PLCB4: variants seen among roughly 807,000 people sequenced by gnomAD.
PLCB4 encodes phospholipase C beta 4, also known as 1-phosphatidylinositol 4,5-bisphosphate phosphodiesterase beta-4.
PLCB4 carries 77 observed loss-of-function variants against 178.8 expected under a neutral mutation model. That is an observed-to-expected ratio of 0.43 (90% CI 0.36 to 0.52). The LOEUF is 0.52. PLCB4 is among the 20% of genes least tolerant of loss of function. The probability of loss-of-function intolerance (pLI) is 0.00; values close to 1 mark genes in which losing one functional copy is unlikely to be tolerated. For synonymous variants in PLCB4, 496 were observed against 490.8 expected (o/e 1.01, Z -0.14); for missense variants, 1,024 against 1,453.4 (o/e 0.70, Z 4.80).
At chr20:9,183,382 G>A (rs1194988360) in intron 2 of PLCB4, among the ~76,000 whole-genome samples, 1 of 152,152 alleles carries the variant, frequency 6.6e-6, no homozygotes, top group African/African-American at 2.4e-5. Flanking sequence ...AGAACAAGAT[G>A]GAGATGCAAC....
intron 2 of PLCB4, among the ~76,000 whole-genome samples, chr20:9,207,357 G>A (rs889711741): frequency 6.6e-6 from 1 of 152,170 alleles, no homozygotes; most frequent in Non-Finnish European, 1.5e-5. Context: ...TCCTTGGTTA[G>A]CATCTTACAA....
intron 20 of PLCB4, among the ~76,000 whole-genome samples, chr20:9,402,499 C>T (rs750092061): frequency 6.6e-5 from 10 of 152,106 alleles, no homozygotes; most frequent in Non-Finnish European, 1.3e-4. Context: ...TGTGACACTA[C>T]TGAAAAAGTT....
chr20:9,318,517 G>A (rs986919560), intron 4 of PLCB4, among the ~76,000 whole-genome samples: 1 of 152,204 alleles, frequency 6.6e-6, no homozygotes, highest in African/African-American at 2.4e-5. Flanking sequence ...GACATTGCAT[G>A]TCTTCTAACA....
chr20:9,458,031 G>A (rs905451973), intron 34 of PLCB4, among the ~76,000 whole-genome samples: 7 of 151,480 alleles, frequency 4.6e-5, no homozygotes, highest in African/African-American at 1.7e-4. Flanking sequence ...AGAACTAAGT[G>A]TTAAGTCCCA....
At chr20:9,444,408 T>C (rs2042284485) in intron 32 of PLCB4, among the ~76,000 whole-genome samples, 165 bp downstream of exon 32, 1 of 152,246 alleles carries the variant, frequency 6.6e-6, no homozygotes, top group African/African-American at 2.4e-5. Context: ...GCTTGTCACT[T>C]GTTTGTAGTC....
chr20:9,338,226 T>C (rs1192178782), intron 6 of PLCB4, among the ~76,000 whole-genome samples, 159 bp downstream of exon 6: 1 of 152,178 alleles, frequency 6.6e-6, no homozygotes, highest in Non-Finnish European at 1.5e-5. Flanking sequence ...TGTGGTAATG[T>C]CACATTTATT....
intron 27 of PLCB4, among the ~76,000 whole-genome samples, chr20:9,423,039 C>G (rs1271423617): frequency 6.6e-6 from 1 of 152,200 alleles, no homozygotes; most frequent in East Asian, 1.9e-4. Context: ...TATTTTGTAA[C>G]TGAATCAGGT....
At chr20:9,316,213 C>T (rs1005077331) in intron 4 of PLCB4, among the ~76,000 whole-genome samples, 4 of 152,064 alleles carry the variant, frequency 2.6e-5, no homozygotes, top group Admixed American at 1.3e-4. Flanking sequence ...ATTAGAGATG[C>T]GCATTCTCAG....
chr20:9,443,420 A>G (rs1370254543), intron 30 of PLCB4, among the ~76,000 whole-genome samples: 1 of 152,206 alleles, frequency 6.6e-6, no homozygotes, highest in Non-Finnish European at 1.5e-5. Flanking sequence ...CCCATCTCAC[A>G]GCTCCTATGA....
At chr20:9,148,616 C>T (rs2092639903) in intron 2 of PLCB4, among the ~76,000 whole-genome samples, 1 of 152,088 alleles carries the variant, frequency 6.6e-6, no homozygotes, top group Non-Finnish European at 1.5e-5. Flanking sequence ...CTAGCTCCTT[C>T]TTTATCAAAC....
At chr20:9,099,948 T>G (rs2091076887) in intron 2 of PLCB4, among the ~76,000 whole-genome samples, 1 of 152,206 alleles carries the variant, frequency 6.6e-6, no homozygotes, top group Non-Finnish European at 1.5e-5. Flanking sequence ...ATCCTTTTCC[T>G]GAATTTGGGG....
chr20:9,291,698 C>T lies in PLCB4; in HGVS notation c.-15-16102C>T, dbSNP rs376379582. 3.9e-5 allele frequency among the ~76,000 whole-genome samples: 6 copies of T among 151,942 alleles called. No homozygotes were observed. In the South Asian group the frequency reaches 6.2e-4, roughly 16 times the overall value. On this transcript the variant is annotated intron_variant, in intron 3 of 39. Coordinates refer to ENST00000378473, the MANE Select transcript of PLCB4 (RefSeq NM_001377142.1). ...GGACTTCAGGTGGAACAATTTTGGG[C>T]GCATAAGGAGATAAATGACCTTGTG...
intron 2 of PLCB4, among the ~76,000 whole-genome samples, chr20:9,109,729 A>G (rs2091505952): frequency 6.6e-6 from 1 of 152,212 alleles, no homozygotes; most frequent in African/African-American, 2.4e-5. Flanking sequence ...CCAGCCACAG[A>G]TGGACTAAGT....
At chr20:9,195,353 A>G (rs1281114960) in intron 2 of PLCB4, among the ~76,000 whole-genome samples, 1 of 152,184 alleles carries the variant, frequency 6.6e-6, no homozygotes, top group Non-Finnish European at 1.5e-5. Flanking sequence ...GGTTAATTTT[A>G]TACGTCAACC....
At chr20:9,218,522 T>C (rs561782581) in intron 3 of PLCB4, among the ~76,000 whole-genome samples, 2 of 152,330 alleles carry the variant, frequency 1.3e-5, no homozygotes, top group Admixed American at 1.3e-4. Context: ...ACTTTATTGT[T>C]TCTCCTAATA....
intron 2 of PLCB4, among the ~76,000 whole-genome samples, chr20:9,111,285 G>A (rs1267938709): frequency 6.6e-6 from 1 of 152,196 alleles, no homozygotes; most frequent in African/African-American, 2.4e-5. Context: ...TCAGATGGCA[G>A]TGTGGATCTT....
chr20:9,420,727 C>T (rs1252101673), intron 26 of PLCB4, among the ~76,000 whole-genome samples: 1 of 152,146 alleles, frequency 6.6e-6, no homozygotes, highest in East Asian at 1.9e-4. Flanking sequence ...AAACAAAAAA[C>T]CCTAATAAGT....
chr20:9,216,764 C>G (rs2093737997), intron 2 of PLCB4, among the ~76,000 whole-genome samples: 1 of 152,194 alleles, frequency 6.6e-6, no homozygotes, highest in Non-Finnish European at 1.5e-5. Context: ...CTTGGCCTCC[C>G]AAAGTGTTGG....
intron 2 of PLCB4, among the ~76,000 whole-genome samples, chr20:9,184,949 C>T (rs1023287907): frequency 2.0e-5 from 3 of 152,190 alleles, no homozygotes; most frequent in East Asian, 1.9e-4. Context: ...GACAGGGTCT[C>T]ACTCTGTCAG....
Sources: gnomAD v4.1 joint callset for allele counts (sites outside exome capture counted in the v4.1 genomes callset) on GRCh38, gnomAD v4.1.1 for gene constraint, MANE v1.5 for transcripts, NCBI Gene and HGNC (gene_info 2026-07-23, HGNC 2026-07-21) for gene names.